Variants in TNRC6A observed in about 807,000 individuals in gnomAD.
The protein encoded by TNRC6A is trinucleotide repeat containing adaptor 6A.
TNRC6A carries 44 observed loss-of-function variants against 221.2 expected under a neutral mutation model. The ratio of observed to expected loss-of-function variants is 0.20; its 90% CI spans 0.16 to 0.26. The LOEUF (loss-of-function observed/expected upper bound fraction) is 0.26, where lower values mean the gene tolerates loss of function less well. Among genes scored for constraint, TNRC6A ranks in the 10% least tolerant of loss-of-function variants. The pLI, the probability that TNRC6A is intolerant of heterozygous loss-of-function variation, is 1.00. For synonymous variants in TNRC6A, 847 were observed against 838.5 expected (o/e 1.01, Z -0.18); for missense variants, 2,199 against 2,404.4 (o/e 0.91, Z 1.79).
At chr16:24,640,126 A>T (rs555543137) in intron 1 of TNRC6A, among the ~76,000 whole-genome samples, 2 of 152,344 alleles carry the variant, frequency 1.3e-5, no homozygotes, top group East Asian at 3.9e-4. Context: ...CCAGCCAGGC[A>T]TAGTGGCTCA....
At chr16:24,786,417 C>A (rs1332575341) in intron 5 of TNRC6A, among the ~76,000 whole-genome samples, 2 of 151,818 alleles carry the variant, frequency 1.3e-5, no homozygotes, top group Non-Finnish European at 2.9e-5. Context: ...GCTCTGCTTC[C>A]CAGGTTCATG....
chr16:24,785,022 A>G (rs2151816315), intron 5 of TNRC6A, among the ~76,000 whole-genome samples: 1 of 152,336 alleles, frequency 6.6e-6, no homozygotes, highest in Non-Finnish European at 1.5e-5. Flanking sequence ...TTTATTTATT[A>G]TCTCATTTTA....
chr16:24,756,207 T>C (rs767950538), intron 3 of TNRC6A, among the ~76,000 whole-genome samples: 23 of 152,214 alleles, frequency 1.5e-4, no homozygotes, highest in Non-Finnish European at 3.4e-4. Flanking sequence ...ATTTGGTGTG[T>C]ATTTTGCTCA....
chr16:24,730,129 C>G (rs1414235443), intron 1 of TNRC6A, 124 bp from the exon 2 acceptor site: 7 of 824,440 alleles, frequency 8.5e-6, no homozygotes, highest in Non-Finnish European at 1.2e-5. Context: ...CCCCTCCCCC[C>G]GTCCTCTCCC....
At chr16:24,660,742 T>TC (rs1225330297) in intron 2 of TNRC6A, among the ~76,000 whole-genome samples, 282 of 133,344 alleles carry the variant, frequency 2.1e-3, no homozygotes, top group Middle Eastern at 3.6e-3. Context: ...TTTTTTTCTT[T>TC]TTTTTTTTTT....
chr16:24,819,291 T>G (rs1313697608), intron 21 of TNRC6A, among the ~76,000 whole-genome samples: 1 of 152,188 alleles, frequency 6.6e-6, no homozygotes, highest in Non-Finnish European at 1.5e-5. Context: ...ACAGGAATTG[T>G]TCCACTCCTT....
At chr16:24,727,001 C>T (rs1041109254), upstream of TNRC6A, among the ~76,000 whole-genome samples, 5 of 151,476 alleles carry the variant, frequency 3.3e-5, no homozygotes, top group Non-Finnish European at 4.4e-5. Flanking sequence ...CAATCACTGT[C>T]AACAAACCTT....
chr16:24,696,316 C>G (rs2055859060), intron 2 of TNRC6A, among the ~76,000 whole-genome samples: 2 of 147,808 alleles, frequency 1.4e-5, no homozygotes, highest in South Asian at 4.4e-4. Flanking sequence ...CCACTGCACT[C>G]CAGCCTGAGC....
intron 1 of TNRC6A, among the ~76,000 whole-genome samples, chr16:24,639,541 T>C (rs1901822012): frequency 6.6e-6 from 1 of 152,020 alleles, no homozygotes; most frequent in South Asian, 2.1e-4. Flanking sequence ...AAGGAGAAAA[T>C]CAGTAGACAG....
chr16:24,655,203 C>G (rs1386091418), intron 2 of TNRC6A, among the ~76,000 whole-genome samples: 3 of 152,028 alleles, frequency 2.0e-5, no homozygotes, highest in Admixed American at 2.0e-4. Context: ...GTGATCGTGC[C>G]ACTGCACTCT....
chr16:24,797,830 A>C, intron 10 of TNRC6A, 85 bp from the exon 11 acceptor site: 1 of 1,231,714 alleles, frequency 8.1e-7, no homozygotes, highest in Admixed American at 2.3e-5. Flanking sequence ...TTCACAGATA[A>C]TGAAACACAG....
At chr16:24,771,604 G>GTT (rs2057611201) in intron 4 of TNRC6A, among the ~76,000 whole-genome samples, 1 of 148,566 alleles carries the variant, frequency 6.7e-6, no homozygotes, top group Non-Finnish European at 1.5e-5. Context: ...GTTATGTTAT[G>GTT]TTATGTTATG....
chr16:24,729,699 G>GCGGTGT lies in TNRC6A; in HGVS notation c.-140_-139insTGTCGG, dbSNP rs1555495680. On this transcript the variant is annotated 5_prime_UTR_variant, in exon 1 of 25. Coordinates refer to ENST00000395799, the MANE Select transcript of TNRC6A (RefSeq NM_014494.4). Reference sequence around the variant, plus strand: ...GGCGGCGGTGTCGGCGGCGGCGGCGGCGGCGGCGGCGGCGGCGGCAGCGGG... The same window carrying GCGGTGT: ...GGCGGCGGTGTCGGCGGCGGCGGCGGCGGTGTCGGCGGCGGCGGCGGCGGCAGCGGG... The GCGGTGT allele has an allele frequency of 1.0e-6, 1 of 999,094 alleles. No homozygotes were observed. Among genetic ancestry groups the GCGGTGT allele is most frequent in the Admixed American group, 4.3e-5 (1 of 23,302 alleles). The allele number at this position is 999,094 out of a possible 1,614,324, so 61.9% of individuals were successfully genotyped here.
In TNRC6A at chr16:24,789,999, C is replaced by T; in HGVS notation, c.1357C>T (p.Pro453Ser). ...PQNITTEMTGPNNTTNFMTSS... is the reference protein window; with the variant it reads ...PQNITTEMTGSNNTTNFMTSS... ...AAATATTACCACTGAAATGACTGGA[C>T]CAAATAACACTACTAACTTTATGAC... The change falls in exon 6 of 25, where the codon CCA (proline) becomes TCA (serine). Residue 453 changes from proline (P) to serine (S), a missense_variant. This residue lies in a region of TNRC6A where 1,405 missense variants were observed against 1,400.2 expected (regional missense o/e 1.00). Transcript: ENST00000395799. 2.5e-6 allele frequency: 4 copies of T among 1,614,166 alleles called. No individual in the cohort carries two copies. The highest frequency in any genetic ancestry group is 2.5e-6 in the Non-Finnish European group (3 of 1,180,036).
chr16:24,777,387 A>C, intron 5 of TNRC6A, 29 bp downstream of exon 5: 24 of 1,583,066 alleles, frequency 1.5e-5, no homozygotes, highest in Non-Finnish European at 2.1e-5. Flanking sequence ...TACGAGACTC[A>C]CACCTTATCA....
At position 24,777,008 on chromosome 16, in the gene TNRC6A, G is replaced by A. The variant is rs1223684680; in HGVS notation, c.239G>A (p.Ser80Asn). Residue 80 changes from serine (S) to asparagine (N), a missense_variant, in exon 5 of 25, where the codon AGC becomes AAC. Transcript: ENST00000395799. ...NSNNGTSTAT[S>N]TNNNAKRATA... ...AATAACGGCACTTCCACAGCAACCAGCACTAATAATAATGCCAAGCGAGCT... is the reference window on the plus strand; with the variant it reads ...AATAACGGCACTTCCACAGCAACCAACACTAATAATAATGCCAAGCGAGCT... 1 of 1,613,880 alleles carries A rather than the reference G, an allele frequency of 6.2e-7. No homozygotes were observed. The highest frequency in any genetic ancestry group is 2.2e-5 in the East Asian group (1 of 44,884).
At chr16:24,746,813 A>C (rs1182810594) in intron 2 of TNRC6A, among the ~76,000 whole-genome samples, 1 of 152,166 alleles carries the variant, frequency 6.6e-6, no homozygotes, top group Non-Finnish European at 1.5e-5. Flanking sequence ...ATTGACCATC[A>C]AGTGTCAGGA....
chr16:24,756,928 A>C (rs2076488699), intron 3 of TNRC6A, among the ~76,000 whole-genome samples: 1 of 152,024 alleles, frequency 6.6e-6, no homozygotes, highest in Non-Finnish European at 1.5e-5. Flanking sequence ...GTGTAAAAGA[A>C]ATTTTCTGCT....
intron 2 of TNRC6A, among the ~76,000 whole-genome samples, chr16:24,649,597 C>T (rs754935360): frequency 2.3e-4 from 35 of 152,102 alleles, no homozygotes; most frequent in Non-Finnish European, 5.0e-4. Flanking sequence ...GCATGAGCCA[C>T]TTCATCCAGC....
Sources: gnomAD v4.1 joint callset for allele counts (sites outside exome capture counted in the v4.1 genomes callset) on GRCh38, gnomAD v4.1.1 for gene constraint, gnomAD v4.1.1 regional missense constraint, MANE v1.5 for transcripts, NCBI Gene and HGNC (gene_info 2026-07-23, HGNC 2026-07-21) for gene names.